The following PLXNA4 variants were observed in gnomAD, a reference collection of about 807,000 sequenced individuals.
PLXNA4 encodes the protein plexin A4.
In PLXNA4, 44 loss-of-function variants were observed where a neutral mutation model predicts 191.8. That is an observed-to-expected ratio of 0.23 (90% confidence interval 0.18 to 0.29). The LOEUF is 0.29. Among genes scored for constraint, PLXNA4 ranks in the 10% least tolerant of loss-of-function variants. The pLI is 1.00. For missense variants in PLXNA4, 1,800 were observed against 2,488.8 expected (o/e 0.72, Z 5.89); for synonymous variants, 1,082 against 1,009.5 (o/e 1.07, Z -1.36).
chr7:132,269,164 C>T (rs557322103), intron 4 of PLXNA4, among the ~76,000 whole-genome samples: 68 of 152,266 alleles, frequency 4.5e-4, no homozygotes, highest in Middle Eastern at 3.4e-3. Flanking sequence ...CCCCTTCTTC[C>T]GTGTCCGTGG....
chr7:132,588,029 G>A (rs1802534169), intron 2 of PLXNA4, among the ~76,000 whole-genome samples: 1 of 151,420 alleles, frequency 6.6e-6, no homozygotes, highest in African/African-American at 2.4e-5. Flanking sequence ...CCCTTTCCTT[G>A]GGGGACCCTT....
At chr7:132,558,828 A>G (rs977457025) in intron 1 of PLXNA4, among the ~76,000 whole-genome samples, 3 of 152,226 alleles carry the variant, frequency 2.0e-5, no homozygotes, top group African/African-American at 7.2e-5. Flanking sequence ...ACCCCAGGTC[A>G]GTAAGTAGTC....
At position 132,361,297 on chromosome 7, in the gene PLXNA4, G is replaced by A. The variant is rs76252034; in HGVS notation, c.1372-63075C>T. On this transcript the variant is annotated intron_variant, in intron 3 of 31. Transcript: ENST00000321063. ...CCCCTGCAGGCCCACGATGCCTTGT[G>A]TGTGCACTCACTGCTTGGAGAACAG... 6.6e-3 allele frequency among the ~76,000 whole-genome samples: 1,012 copies of A among 152,276 alleles called. 17 individuals carry two copies. Among genetic ancestry groups the A allele is most frequent in the African/African-American group, 0.023 (968 of 41,556 alleles).
At chr7:132,604,497 T>G (rs1490813642) in intron 2 of PLXNA4, among the ~76,000 whole-genome samples, 1 of 152,212 alleles carries the variant, frequency 6.6e-6, no homozygotes, top group Non-Finnish European at 1.5e-5. Context: ...AAGTAGCTTG[T>G]GCTGGTTTCG....
chr7:132,382,939 C>T (rs1171008606), intron 3 of PLXNA4, among the ~76,000 whole-genome samples: 1 of 152,136 alleles, frequency 6.6e-6, no homozygotes, highest in Non-Finnish European at 1.5e-5. Flanking sequence ...AACTTTTTTG[C>T]GTGTCTATGT....
At chr7:132,148,957 A>T (rs780973759) in intron 25 of PLXNA4, among the ~76,000 whole-genome samples, 1 of 152,230 alleles carries the variant, frequency 6.6e-6, no homozygotes, top group Non-Finnish European at 1.5e-5. Flanking sequence ...TTGGCCAAAC[A>T]AAAGAGGCAC....
chr7:132,296,624 T>C (rs756751735), intron 4 of PLXNA4, among the ~76,000 whole-genome samples: 62 of 152,100 alleles, frequency 4.1e-4, no homozygotes, highest in Non-Finnish European at 6.2e-4. Context: ...AGTCCCAGGT[T>C]CAGAAATGCT....
intron 3 of PLXNA4, among the ~76,000 whole-genome samples, chr7:132,420,518 G>A (rs1338363878): frequency 3.3e-5 from 5 of 152,206 alleles, no homozygotes; most frequent in Non-Finnish European, 5.9e-5. Context: ...TGCCCCACAG[G>A]TGCCTCTGCA....
chr7:132,353,486 C>T, intron 3 of PLXNA4, among the ~76,000 whole-genome samples: 1 of 152,002 alleles, frequency 6.6e-6, no homozygotes, highest in Non-Finnish European at 1.5e-5. Context: ...GCTTGGAAAG[C>T]TGAAATTTAC....
intron 13 of PLXNA4, among the ~76,000 whole-genome samples, chr7:132,194,892 G>A (rs1353298956): frequency 6.6e-6 from 1 of 151,944 alleles, no homozygotes; most frequent in Non-Finnish European, 1.5e-5. Flanking sequence ...AAAGTTAAGT[G>A]TGTGTATATG....
At chr7:132,600,263 A>G (rs1802791357) in intron 2 of PLXNA4, among the ~76,000 whole-genome samples, 1 of 152,216 alleles carries the variant, frequency 6.6e-6, no homozygotes, top group Admixed American at 6.5e-5. Context: ...TGATAGAATG[A>G]ACCTTAAAAC....
intron 16 of PLXNA4, among the ~76,000 whole-genome samples, chr7:132,184,489 G>C (rs1385685085): frequency 6.6e-6 from 1 of 152,214 alleles, no homozygotes; most frequent in East Asian, 1.9e-4. Flanking sequence ...GGCCTGGAAA[G>C]GCAGACTCAT....
In PLXNA4 at chr7:132,608,696, G is replaced by A. The variant is rs558085020; in HGVS notation, c.-87+37232C>T. ...ACCCCTCCCAGCATCCCCCACCCCC[G>A]CACTCCTGCGACAGCCTAAAAACTT... On this transcript the variant is annotated intron_variant, in intron 2 of 4. Coordinates refer to the PLXNA4 transcript ENST00000378539. 1.5e-4 allele frequency among the ~76,000 whole-genome samples: 23 copies of A among 151,286 alleles called. No homozygotes were observed. The South Asian group carries it at 3.0e-3, about 19-fold the overall frequency.
At chr7:132,446,942 C>T (rs1164954323) in intron 3 of PLXNA4, among the ~76,000 whole-genome samples, 1 of 152,180 alleles carries the variant, frequency 6.6e-6, no homozygotes, top group Non-Finnish European at 1.5e-5. Context: ...TCCTCCCTTC[C>T]TCTCCCCACC....
intron 2 of PLXNA4, among the ~76,000 whole-genome samples, chr7:132,494,654 C>T (rs143491477): frequency 1.4e-4 from 21 of 152,258 alleles, no homozygotes; most frequent in Non-Finnish European, 2.8e-4. Flanking sequence ...TAGCTTATGG[C>T]GCTTCCCTCG....
intron 3 of PLXNA4, among the ~76,000 whole-genome samples, chr7:132,354,194 T>TGTGC (rs1264970940): frequency 2.0e-5 from 3 of 152,166 alleles, no homozygotes; most frequent in African/African-American, 7.2e-5. Context: ...TGCGTGTGTG[T>TGTGC]GTGTGTGTGT....
At chr7:132,569,889 C>T (rs950051255) in intron 1 of PLXNA4, among the ~76,000 whole-genome samples, 3 of 152,156 alleles carry the variant, frequency 2.0e-5, no homozygotes, top group Non-Finnish European at 2.9e-5. Context: ...ACACAATCAC[C>T]AGAATCCAGT....
intron 3 of PLXNA4, among the ~76,000 whole-genome samples, chr7:132,308,184 C>T (rs935248913): frequency 6.6e-6 from 1 of 152,118 alleles, no homozygotes; most frequent in Non-Finnish European, 1.5e-5. Flanking sequence ...AGGTTCAAAC[C>T]AGCAAATTTC....
chr7:132,253,927 T>C (rs1384761099), intron 4 of PLXNA4, among the ~76,000 whole-genome samples: 1 of 152,190 alleles, frequency 6.6e-6, no homozygotes, highest in Admixed American at 6.5e-5. Flanking sequence ...AGTTTCCATG[T>C]GGAGGAGTCA....
Sources: gnomAD v4.1 joint callset for allele counts (sites outside exome capture counted in the v4.1 genomes callset) on GRCh38, gnomAD v4.1.1 for gene constraint, MANE v1.5 for transcripts, NCBI Gene and HGNC (gene_info 2026-07-23, HGNC 2026-07-21) for gene names.